The following ZC3H8 variants were observed in gnomAD, a reference collection of about 807,000 sequenced individuals.
The protein encoded by ZC3H8 is zinc finger CCCH-type containing 8.
A neutral mutation model predicts 42.5 loss-of-function variants in ZC3H8; 27 were observed. The observed-to-expected ratio is 0.64, with a 90% confidence interval of 0.47 to 0.88. The LOEUF is 0.88. ZC3H8 is among the 40% of genes least tolerant of loss of function. The pLI is 0.00. For synonymous variants in ZC3H8, 101 were observed against 110.1 expected, an observed-to-expected ratio of 0.92 and a Z score of 0.52; for missense variants, 277 against 336.1, an observed-to-expected ratio of 0.82 and a Z score of 1.37.
chr2:112,243,771 A>G (rs1377467218), intron 2 of ZC3H8, among the ~76,000 whole-genome samples: 2 of 152,168 alleles, frequency 1.3e-5, no homozygotes, highest in East Asian at 1.9e-4. Context: ...TCCTTTATAG[A>G]AAATGCTTAC....
chr2:112,249,345 T>C (rs770398683), intron 2 of ZC3H8, among the ~76,000 whole-genome samples: 5 of 152,292 alleles, frequency 3.3e-5, no homozygotes, highest in Admixed American at 6.5e-5. Context: ...ATGAATAGAT[T>C]CTTCCCCACA....
intron 2 of ZC3H8, among the ~76,000 whole-genome samples, chr2:112,243,189 C>A (rs1406855714): frequency 1.3e-5 from 2 of 152,150 alleles, no homozygotes; most frequent in Non-Finnish European, 2.9e-5. Context: ...TAATTTGCAG[C>A]AGATATATTT....
At position 112,215,489 on chromosome 2, in the gene ZC3H8, A is replaced by G. The variant is rs1684286234; in HGVS notation, c.*995T>C. The G allele has an allele frequency of 6.6e-6, 1 of 152,226 alleles. No individual in the cohort carries two copies. The highest frequency in any genetic ancestry group is 1.5e-5 in the Non-Finnish European group (1 of 68,034). 9.4% of individuals were successfully genotyped at this position (152,226 alleles called of 1,614,324 possible). On this transcript the variant is annotated 3_prime_UTR_variant, in exon 9 of 9. Transcript: ENST00000409573. ...GCTTTAGCAGGATTAGATAACAATG[A>G]AAATAACTTTGATTCCTATTTTCAA...
chr2:112,248,548 T>A, intron 2 of ZC3H8, among the ~76,000 whole-genome samples: 1 of 152,002 alleles, frequency 6.6e-6, no homozygotes, highest in African/African-American at 2.4e-5. Context: ...TGGAGTGCAA[T>A]GGCATGATAT....
chr2:112,219,038 T>A (rs549055214), intron 8 of ZC3H8, among the ~76,000 whole-genome samples: 6 of 152,228 alleles, frequency 3.9e-5, no homozygotes, highest in African/African-American at 1.4e-4. Context: ...AAGCAATCTA[T>A]GTATTCAATG....
chr2:112,233,420 G>T, intron 5 of ZC3H8, 49 bp from the exon 6 acceptor site: 2 of 1,236,594 alleles, frequency 1.6e-6, no homozygotes, highest in East Asian at 2.5e-5. Context: ...TCATAGTCAA[G>T]TCATTATGAT....
intron 4 of ZC3H8, 21 bp from the exon 5 acceptor site, chr2:112,234,257 A>G: frequency 1.3e-6 from 2 of 1,502,080 alleles, no homozygotes; most frequent in Non-Finnish European, 1.8e-6. Context: ...AAAAACAAAA[A>G]AACTAAATGT....
At chr2:112,250,884 A>G (rs1685923161) in intron 1 of ZC3H8, among the ~76,000 whole-genome samples, 1 of 152,242 alleles carries the variant, frequency 6.6e-6, no homozygotes. Flanking sequence ...TTAAGTGTAA[A>G]GATGAAAAAG....
In ZC3H8 at chr2:112,227,262, C is replaced by T. The variant is rs550487881; in HGVS notation, c.*15+3641G>A. Among the ~76,000 whole-genome samples, 4 of 152,326 alleles carry T rather than the reference C, an allele frequency of 2.6e-5. No homozygotes were observed. The South Asian group carries it at 8.3e-4, about 32-fold the overall frequency. On this transcript the variant is annotated intron_variant, in intron 8 of 8. Transcript: ENST00000409573. ...AGAGGCAGCTGGGCGCGGTGGCTCACGCCTGTAATCCCAGCACTTTGGGAG... is the reference window on the plus strand; with the variant it reads ...AGAGGCAGCTGGGCGCGGTGGCTCATGCCTGTAATCCCAGCACTTTGGGAG...
rs1336321562 is a variant in ZC3H8 at position 112,241,002 on chromosome 2, TTG to T, written c.157-2476_157-2475del. 1.3e-3 allele frequency among the ~76,000 whole-genome samples: 182 copies of T among 135,252 alleles called. 1 individual carries two copies. Among genetic ancestry groups the T allele is most frequent in the African/African-American group, 4.6e-3 (174 of 37,452 alleles). The allele number at this position is 135,252 out of a possible 152,430, so 88.7% of individuals were successfully genotyped here. ...GTGTGTGTGCGCGTGTGTATGTGTG[TTG>T]TGTTTTGTGTGTGTGTGTGTGTGTG... is the stretch of plus-strand genomic sequence containing the variant. On this transcript the variant is annotated intron_variant, in intron 2 of 8. Coordinates refer to ENST00000409573, the MANE Select transcript of ZC3H8 (RefSeq NM_032494.3).
At chr2:112,245,337 A>G (rs1164118055) in intron 2 of ZC3H8, among the ~76,000 whole-genome samples, 1 of 152,228 alleles carries the variant, frequency 6.6e-6, no homozygotes, top group Non-Finnish European at 1.5e-5. Flanking sequence ...GTTTATGGAT[A>G]GACGATGTCT....
At chr2:112,254,709 G>A (rs1573933488) in intron 1 of ZC3H8, among the ~76,000 whole-genome samples, 199 bp downstream of exon 1, 1 of 152,106 alleles carries the variant, frequency 6.6e-6, no homozygotes, top group Non-Finnish European at 1.5e-5. Flanking sequence ...CCTGAGCCCC[G>A]CGTTCAGCTT....
intron 8 of ZC3H8, among the ~76,000 whole-genome samples, chr2:112,227,963 CAAAAGATCCAGAGTAGCCA>C (rs1684919327): frequency 6.6e-6 from 1 of 151,700 alleles, no homozygotes. Context: ...TATGGAAAAG[CAAAAGATCCAGAGTAGCCA>C]AAACAATCTT....
intron 2 of ZC3H8, among the ~76,000 whole-genome samples, chr2:112,246,317 T>C (rs1287292480): frequency 1.3e-5 from 2 of 152,196 alleles, no homozygotes; most frequent in Non-Finnish European, 2.9e-5. Context: ...AAGTCTTATT[T>C]AAGAAATAAA....
At chr2:112,227,684 T>A (rs528061305) in intron 8 of ZC3H8, among the ~76,000 whole-genome samples, 11 of 152,246 alleles carry the variant, frequency 7.2e-5, no homozygotes, top group African/African-American at 2.6e-4. Context: ...ATACTACCAA[T>A]GAACAACTAA....
chr2:112,228,064 A>G (rs1684922983), intron 8 of ZC3H8, among the ~76,000 whole-genome samples: 2 of 152,260 alleles, frequency 1.3e-5, no homozygotes, highest in Admixed American at 6.5e-5. Flanking sequence ...ATAGTAATCA[A>G]GACACTGTGA....
intron 6 of ZC3H8, among the ~76,000 whole-genome samples, chr2:112,232,293 C>G (rs1306613953): frequency 5.4e-5 from 6 of 110,288 alleles, no homozygotes; most frequent in African/African-American, 1.7e-4. Flanking sequence ...CCAGCCTGGG[C>G]AACAGAGCAA....
At chr2:112,235,011 G>A (rs912087737) in intron 4 of ZC3H8, among the ~76,000 whole-genome samples, 1 of 151,800 alleles carries the variant, frequency 6.6e-6, no homozygotes, top group Non-Finnish European at 1.5e-5. Context: ...GAAATACACC[G>A]TCAAAGATGG....
rs1684161602 is a variant in ZC3H8 at position 112,212,196 on chromosome 2, TC to T, written c.*4287del. 6.6e-6 allele frequency: 1 copy of T among 152,152 alleles called. No individual in the cohort carries two copies. The highest frequency in any genetic ancestry group is 2.4e-5 in the African/African-American group (1 of 41,430). The allele number at this position is 152,152 out of a possible 1,614,324, so 9.4% of individuals were successfully genotyped here. ...TCACATGGTGGAAAAGGGAGACAGC[TC>T]CCCAGGGCCTCTTTTATAAGGGCAC... is the stretch of plus-strand genomic sequence containing the variant. On this transcript the variant is annotated 3_prime_UTR_variant, in exon 9 of 9. Coordinates refer to ENST00000409573, the MANE Select transcript of ZC3H8 (RefSeq NM_032494.3).
Sources: gnomAD v4.1 joint callset for allele counts (sites outside exome capture counted in the v4.1 genomes callset) on GRCh38, gnomAD v4.1.1 for gene constraint, MANE v1.5 for transcripts, NCBI Gene and HGNC (gene_info 2026-07-23, HGNC 2026-07-21) for gene names.